The following NAA15 variants were observed in gnomAD, a reference collection of about 807,000 sequenced individuals.
NAA15 encodes the protein N-alpha-acetyltransferase 15, NatA auxiliary subunit.
A neutral mutation model predicts 114.0 loss-of-function variants in NAA15; 34 were observed. The ratio of observed to expected loss-of-function variants is 0.30; its 90% confidence interval spans 0.23 to 0.40. The LOEUF (loss-of-function observed/expected upper bound fraction) is 0.40. Among genes scored for constraint, NAA15 ranks in the 10% least tolerant of loss-of-function variants. The pLI, the probability that NAA15 is intolerant of heterozygous loss-of-function variation, is 1.00. For synonymous variants in NAA15, 340 were observed against 338.0 expected (o/e 1.01, Z -0.06); for missense variants, 658 against 1,004.5 (o/e 0.66, Z 4.66).
At chr4:139,373,887 T>C (rs1748511790) in intron 15 of NAA15, among the ~76,000 whole-genome samples, 1 of 152,124 alleles carries the variant, frequency 6.6e-6, no homozygotes, top group Admixed American at 6.5e-5. Flanking sequence ...GTATTTTTAG[T>C]AGAGATGGAG....
chr4:139,303,712 G>T (rs1247499559), intron 1 of NAA15, among the ~76,000 whole-genome samples: 1 of 152,114 alleles, frequency 6.6e-6, no homozygotes, highest in Non-Finnish European at 1.5e-5. Flanking sequence ...CACAAGAATC[G>T]CTTGAACCCG....
At chr4:139,305,031 C>T (rs908854487) in intron 1 of NAA15, among the ~76,000 whole-genome samples, 2 of 152,174 alleles carry the variant, frequency 1.3e-5, no homozygotes, top group South Asian at 2.1e-4. Flanking sequence ...GCAGTCCTCC[C>T]GCTTCAGCCT....
intron 16 of NAA15, among the ~76,000 whole-genome samples, chr4:139,378,118 C>G (rs1190193346): frequency 6.6e-6 from 1 of 151,954 alleles, no homozygotes; most frequent in African/African-American, 2.4e-5. Flanking sequence ...GAAAATGGTA[C>G]CAAATTAGGA....
At chr4:139,310,466 A>AG (rs1363445193) in intron 1 of NAA15, among the ~76,000 whole-genome samples, 1 of 151,596 alleles carries the variant, frequency 6.6e-6, no homozygotes, top group Admixed American at 6.6e-5. Flanking sequence ...AAAAAAAAAA[A>AG]AAACATTTTT....
intron 4 of NAA15, among the ~76,000 whole-genome samples, chr4:139,341,882 C>T (rs1747412279): frequency 1.3e-5 from 2 of 151,738 alleles, no homozygotes; most frequent in Admixed American, 1.3e-4. Context: ...CCACCATGCC[C>T]AGCTCATTTT....
chr4:139,350,547 A>T (rs1747742548), intron 7 of NAA15, among the ~76,000 whole-genome samples: 1 of 152,220 alleles, frequency 6.6e-6, no homozygotes, highest in African/African-American at 2.4e-5. Flanking sequence ...CAGGATCCTC[A>T]GCAGAGGTGA....
rs992266095 is a variant in NAA15, at chr4:139,386,761, G to A, written c.2400+531G>A. 9.9e-5 allele frequency among the ~76,000 whole-genome samples: 15 copies of A among 152,202 alleles called. 1 individual carries two copies. The highest frequency in any genetic ancestry group is 6.2e-4 in the South Asian group (3 of 4,818). ...CACTTGAGCCTGAAAGGTTGGAGCT[G>A]CAGTGGGCTGTGATTGTGACGCTGT... On this transcript the variant is annotated intron_variant, in intron 19 of 19. Transcript: ENST00000296543.
rs374366024 is a variant in NAA15 at position 139,363,948 on chromosome 4, A to G, written c.1753+2011A>G. Among the ~76,000 whole-genome samples the G allele has an allele frequency of 5.3e-5, 8 of 152,352 alleles. No homozygotes were observed. In the East Asian group the frequency reaches 5.8e-4, roughly 11 times the overall value. On this transcript the variant is annotated intron_variant, in intron 14 of 19. Coordinates refer to ENST00000296543, the MANE Select transcript of NAA15 (RefSeq NM_057175.5). ...CAGTCTGGAGTCCACTAGTGCGATC[A>G]TAGCTCACTGCAGCCTTGAGCTCCT... is the stretch of plus-strand genomic sequence containing the variant.
At chr4:139,360,655 C>T in intron 13 of NAA15, 27 bp downstream of exon 13, 1 of 1,547,784 alleles carries the variant, frequency 6.5e-7, no homozygotes, top group Non-Finnish European at 8.7e-7. Flanking sequence ...TAAAAGTTTT[C>T]TTGTTTTATT....
intron 3 of NAA15, among the ~76,000 whole-genome samples, chr4:139,338,924 TCTCAGC>T (rs1747287511): frequency 6.6e-6 from 1 of 151,944 alleles, no homozygotes; most frequent in South Asian, 2.1e-4. Context: ...AATACTCCTG[TCTCAGC>T]CTCCCGAGTA....
Position 139,389,906 on chromosome 4 carries a change from TTTATTAACTGGC to T in NAA15, c.*1823_*1834del, listed in dbSNP as rs1749008737. 6.6e-6 allele frequency: 1 copy of T among 152,640 alleles called. No individual in the cohort carries two copies. The highest frequency in any genetic ancestry group is 1.5e-5 in the Non-Finnish European group (1 of 68,040). 9.5% of individuals were successfully genotyped at this position (152,640 alleles called of 1,614,324 possible). Reference sequence around the variant, plus strand: ...ACCGAACTCCAGTGCTTTGTTATGTTTTATTAACTGGCCCTGTCTCAGGAACATCTTAACAGA... The same window carrying T: ...ACCGAACTCCAGTGCTTTGTTATGTTCCTGTCTCAGGAACATCTTAACAGA... On this transcript the variant is annotated 3_prime_UTR_variant, in exon 20 of 20. Transcript: ENST00000296543.
intron 16 of NAA15, among the ~76,000 whole-genome samples, chr4:139,378,225 C>G (rs1748644766): frequency 6.6e-6 from 1 of 152,074 alleles, no homozygotes; most frequent in Non-Finnish European, 1.5e-5. Context: ...ACTACTGAAT[C>G]TTGGGAAATA....
intron 15 of NAA15, among the ~76,000 whole-genome samples, chr4:139,373,523 A>G (rs892223995): frequency 3.4e-4 from 51 of 152,160 alleles, no homozygotes; most frequent in African/African-American, 1.2e-3. Context: ...GGAAAATGGG[A>G]ATTAGTAAGG....
rs1156777827 is a variant in NAA15 at position 139,389,692 on chromosome 4, AC to A, written c.*1609del. 3.9e-5 allele frequency: 6 copies of A among 152,764 alleles called. No individual in the cohort carries two copies. The highest frequency in any genetic ancestry group is 1.4e-4 in the African/African-American group (6 of 41,564). 9.5% of individuals were successfully genotyped at this position (152,764 alleles called of 1,614,324 possible). On this transcript the variant is annotated 3_prime_UTR_variant, in exon 20 of 20. Coordinates refer to ENST00000296543, the MANE Select transcript of NAA15 (RefSeq NM_057175.5). The stretch of plus-strand genomic sequence containing the variant: ...ATCTGAGCAAATAAGATTAAGTAAA[AC>A]AAATCAATTGTATATATAATTGACC...
chr4:139,313,535 T>C (rs1746287776), intron 1 of NAA15, among the ~76,000 whole-genome samples: 1 of 150,284 alleles, frequency 6.7e-6, no homozygotes, highest in Non-Finnish European at 1.5e-5. Context: ...TGTTACAGTA[T>C]ATTTCTTTCT....
At chr4:139,372,527 G>A (rs1748470661) in intron 15 of NAA15, among the ~76,000 whole-genome samples, 1 of 152,096 alleles carries the variant, frequency 6.6e-6, no homozygotes, top group Non-Finnish European at 1.5e-5. Context: ...TTACCTGTTA[G>A]GTACATAAGA....
At position 139,389,312 on chromosome 4, in the gene NAA15, T is replaced by C. The variant is rs1748989156; in HGVS notation, c.*1228T>C. Reference sequence around the variant, plus strand: ...ACCAAATATGATGCAATAAATTGTTTTGAAAAACAGTTGTGTGAATATTTC... The same window carrying C: ...ACCAAATATGATGCAATAAATTGTTCTGAAAAACAGTTGTGTGAATATTTC... On this transcript the variant is annotated 3_prime_UTR_variant, in exon 20 of 20. Coordinates refer to ENST00000296543, the MANE Select transcript of NAA15 (RefSeq NM_057175.5). 1 of 152,566 alleles carries C rather than the reference T, an allele frequency of 6.6e-6. No homozygotes were observed. Among genetic ancestry groups the C allele is most frequent in the Non-Finnish European group, 1.5e-5 (1 of 68,020 alleles). The allele number at this position is 152,566 out of a possible 1,614,324, so 9.5% of individuals were successfully genotyped here.
chr4:139,336,823 T>A, intron 2 of NAA15, 25 bp from the exon 3 acceptor site: 2 of 1,392,554 alleles, frequency 1.4e-6, no homozygotes, highest in South Asian at 3.1e-5. Flanking sequence ...AAAATGTTCC[T>A]TTTCTTCTTT....
chr4:139,348,830 C>T (rs760279674), intron 6 of NAA15, among the ~76,000 whole-genome samples: 1 of 152,152 alleles, frequency 6.6e-6, no homozygotes, highest in Admixed American at 6.5e-5. Context: ...TAATATCATT[C>T]AGGGATGATG....
Sources: gnomAD v4.1 joint callset for allele counts (sites outside exome capture counted in the v4.1 genomes callset) on GRCh38, gnomAD v4.1.1 for gene constraint, MANE v1.5 for transcripts, NCBI Gene and HGNC (gene_info 2026-07-23, HGNC 2026-07-21) for gene names.